GPI: variants seen among roughly 807,000 people sequenced by gnomAD.
GPI encodes the protein D-hexose-6-phosphate anomerase.
In GPI, 56 loss-of-function variants were observed where a neutral mutation model predicts 75.8. The observed-to-expected ratio is 0.74, with a 90% CI of 0.60 to 0.92. The LOEUF is 0.92. GPI is among the 40% of genes least tolerant of loss of function. The probability of loss-of-function intolerance (pLI) is 0.00; values close to 1 mark genes in which losing one functional copy is unlikely to be tolerated. For missense variants in GPI, 638 were observed against 741.0 expected (o/e 0.86, Z 1.61); for synonymous variants, 288 against 285.4 (o/e 1.01, Z -0.09).
intron 13 of GPI, 48 bp downstream of exon 13, chr19:34,396,478 T>A (rs1255801165): frequency 6.2e-7 from 1 of 1,613,550 alleles, no homozygotes; most frequent in Admixed American, 1.7e-5. Flanking sequence ...AGGGAAAGGA[T>A]CTTCCAGAAG....
Position 34,393,817 on chromosome 19 carries a change from G to A in GPI, c.909+46G>A, listed in dbSNP as rs372376911. 121 of 1,608,116 alleles carry A rather than the reference G, an allele frequency of 7.5e-5. No individual in the cohort carries two copies. Among genetic ancestry groups the A allele is most frequent in the African/African-American group, 3.3e-4 (25 of 74,906 alleles). ...TCTGCCAAGTGCTGGCCAGAGGCGC[G>A]TGTGTTGGTCCTGGTCCCCCGCTTT... On this transcript the variant is annotated intron_variant, in intron 11 of 17. Coordinates refer to ENST00000356487, the MANE Select transcript of GPI (RefSeq NM_000175.5). The surrounding 1 kb of genome is among the most constrained non-coding windows in gnomAD (Gnocchi z 4.4).
rs2075019412 is a variant in GPI, at chr19:34,401,331, C to G, written c.*1295C>G. 6.6e-6 allele frequency: 1 copy of G among 152,190 alleles called. No individual in the cohort carries two copies. Among genetic ancestry groups the G allele is most frequent in the African/African-American group, 2.4e-5 (1 of 41,414 alleles). 9.4% of individuals were successfully genotyped at this position (152,190 alleles called of 1,614,324 possible). A position where few individuals can be genotyped will look rare whatever the true frequency, so the allele number is the denominator to read the frequency against. ...CTCCCAGGTTCACGCCATTCTCCTG[C>G]CTCAGACTCCTGTGTAGCTGGGAGT... On this transcript the variant is annotated 3_prime_UTR_variant, in exon 18 of 18. Coordinates refer to ENST00000356487, the MANE Select transcript of GPI (RefSeq NM_000175.5).
At chr19:34,379,985 GTTTTGTTTTTTTTTTTT>G (rs2074619711) in intron 8 of GPI, 2 of 127,960 alleles carry the variant, frequency 1.6e-5, no homozygotes, top group South Asian at 1.8e-4. Context: ...AGTGTGTGTG[GTTTTGTTTTTTTTTTTT>G]TTTTTTTTTT....
At chr19:34,367,680 G>C (rs2074387239) in intron 3 of GPI, among the ~76,000 whole-genome samples, 3 of 152,134 alleles carry the variant, frequency 2.0e-5, no homozygotes, top group African/African-American at 7.2e-5. Context: ...CTGACTTCAG[G>C]CCATTTCACT....
chr19:34,400,183 G>GGGGAGACCAGCCT lies in GPI; in HGVS notation c.*147_*148insGGGAGACCAGCCT. The GGGGAGACCAGCCT allele has an allele frequency of 1.2e-6, 1 of 816,458 alleles. No individual in the cohort carries two copies. The highest frequency in any genetic ancestry group is 2.5e-5 in the East Asian group (1 of 39,812). The allele number at this position is 816,458 out of a possible 1,614,324, so 50.6% of individuals were successfully genotyped here. ...CACGAGCCCTTAGCAGGGAAGGCTG[G>GGGGAGACCAGCCT]TCTCCCCCAGCCTAACCCCCAGCCC... On this transcript the variant is annotated 3_prime_UTR_variant, in exon 18 of 18. Coordinates refer to ENST00000356487, the MANE Select transcript of GPI (RefSeq NM_000175.5).
In GPI at chr19:34,400,026, G is replaced by C. The variant is rs747722589; in HGVS notation, c.1667G>C (p.Arg556Thr). ...INFIKQQREA[R>T]VQ ...TTCATCAAGCAGCAGCGCGAGGCCA[G>C]AGTCCAATAAACTCGTGCTCATCTG... Residue 556 changes from arginine (R) to threonine (T), a missense_variant, in exon 18 of 18, where the codon AGA becomes ACA. By Grantham distance (71) the Arg-to-Thr change is moderately conservative. Coordinates refer to ENST00000356487, the MANE Select transcript of GPI (RefSeq NM_000175.5). 2 of 1,612,148 alleles carry C rather than the reference G, an allele frequency of 1.2e-6. No homozygotes were observed. The highest frequency in any genetic ancestry group is 1.7e-6 in the Non-Finnish European group (2 of 1,179,996).
intron 1 of GPI, chr19:34,365,765 C>T: frequency 2.1e-6 from 1 of 481,348 alleles, no homozygotes; most frequent in Non-Finnish European, 4.1e-6. Flanking sequence ...TTTCCATCCG[C>T]TCCTGGCCAC....
At chr19:34,395,875 A>G (rs1047599642) in intron 12 of GPI, among the ~76,000 whole-genome samples, 1 of 150,856 alleles carries the variant, frequency 6.6e-6, no homozygotes, top group Non-Finnish European at 1.5e-5. Flanking sequence ...TGTGTGAAGG[A>G]TCAAGACTTG....
At chr19:34,381,350 TG>T in intron 8 of GPI, 115 bp from the exon 9 acceptor site, 1 of 795,228 alleles carries the variant, frequency 1.3e-6, no homozygotes, top group Non-Finnish European at 2.3e-6. Flanking sequence ...TCCCTGGCTC[TG>T]GGGAAGGTGA....
At chr19:34,399,850 A>G (rs754588083) in intron 17 of GPI, 51 bp from the exon 18 acceptor site, 11 of 1,613,498 alleles carry the variant, frequency 6.8e-6, no homozygotes, top group Middle Eastern at 1.6e-4. Context: ...TTCAGTAGCA[A>G]CGTTAGAGCC....
chr19:34,393,290 T>G lies in GPI; in HGVS notation c.847T>G (p.Ser283Ala). ...RYSLWSAIGL[S>A]IALHVGFDNF... ...CTCGCTGTGGTCGGCCATCGGACTC[T>G]CCATTGCCCTGCACGTGGGTGAGTG... The change falls in exon 10 of 18, where the codon TCC becomes GCC. Residue 283 changes from serine to alanine, a missense_variant. Physicochemically the swap from Ser to Ala is moderately conservative, Grantham distance 99. Coordinates refer to ENST00000356487, the MANE Select transcript of GPI (RefSeq NM_000175.5). The surrounding 1 kb of genome is among the most constrained non-coding windows in gnomAD (Gnocchi z 4.4). 6.2e-7 allele frequency: 1 copy of G among 1,612,922 alleles called. No individual in the cohort carries two copies.
chr19:34,367,210 T>C (rs979788252), intron 3 of GPI: 1 of 375,586 alleles, frequency 2.7e-6, no homozygotes, highest in Non-Finnish European at 5.2e-6. Flanking sequence ...GACTTCAGCC[T>C]ACTCAAGCAG....
In GPI at chr19:34,366,358, A is replaced by T; in HGVS notation, c.136A>T (p.Thr46Ser). The T allele has an allele frequency of 6.2e-7, 1 of 1,611,742 alleles. No individual in the cohort carries two copies. The highest frequency in any genetic ancestry group is 8.5e-7 in the Non-Finnish European group (1 of 1,177,836). The change falls in exon 2 of 18, where the codon ACC becomes TCC. Residue 46 changes from threonine to serine, a missense_variant. Coordinates refer to ENST00000356487, the MANE Select transcript of GPI (RefSeq NM_000175.5). ...RFNHFSLTLN[T>S]NHGHILVDYS... ...ATCTTTCTGCAGCTTGACCCTCAAC[A>T]CCAACCATGGGCATATCCTGGTGGA...
chr19:34,371,633 G>A (rs890985441), intron 4 of GPI, among the ~76,000 whole-genome samples: 12 of 151,666 alleles, frequency 7.9e-5, no homozygotes, highest in South Asian at 4.2e-4. Flanking sequence ...GGTGGATCAC[G>A]AGGTCAGGAG....
At chr19:34,375,638 T>G (rs985622881) in intron 4 of GPI, among the ~76,000 whole-genome samples, 1 of 152,096 alleles carries the variant, frequency 6.6e-6, no homozygotes, top group Non-Finnish European at 1.5e-5. Context: ...AGGAAGCGAG[T>G]TGGCTGTGAC....
intron 1 of GPI, chr19:34,365,881 T>G (rs1364229718): frequency 2.1e-6 from 1 of 470,996 alleles, no homozygotes; most frequent in South Asian, 1.5e-5. Flanking sequence ...AAGACACCTG[T>G]GCACGACCGG....
At chr19:34,364,795 C>T, upstream of GPI, 3 of 475,356 alleles carry the variant, frequency 6.3e-6, no homozygotes, top group Non-Finnish European at 1.1e-5. Flanking sequence ...TTATTTGGCA[C>T]ATATGTATCC....
chr19:34,374,383 C>A (rs2074501682), intron 4 of GPI, among the ~76,000 whole-genome samples: 1 of 152,080 alleles, frequency 6.6e-6, no homozygotes, highest in South Asian at 2.1e-4. Context: ...AGACAAGGAC[C>A]ACTGGTCACC....
At chr19:34,361,465 G>A (rs186428502), upstream of GPI, among the ~76,000 whole-genome samples, 23 of 152,298 alleles carry the variant, frequency 1.5e-4, no homozygotes, top group Non-Finnish European at 2.9e-4. Flanking sequence ...TGCCATGAGG[G>A]ATACATGGAA....
Sources: allele counts gnomAD v4.1 joint callset (sites outside exome capture counted in the v4.1 genomes callset), GRCh38; gene constraint gnomAD v4.1.1; non-coding constraint Gnocchi (gnomAD v3.1); transcripts MANE v1.5; gene names NCBI Gene and HGNC (gene_info 2026-07-23, HGNC 2026-07-21).